The following KCNH1 variants were observed in gnomAD, a reference collection of about 807,000 sequenced individuals.
KCNH1 encodes the protein voltage-gated delayed rectifier potassium channel KCNH1.
A neutral mutation model predicts 69.2 loss-of-function variants in KCNH1; 27 were observed. That is an observed-to-expected ratio of 0.39 (90% CI 0.29 to 0.54). KCNH1 has a LOEUF of 0.54. Ranked by LOEUF, KCNH1 falls within the 20% of genes least tolerant of loss-of-function variation. The probability of loss-of-function intolerance (pLI) is 0.68; values close to 1 mark genes in which losing one functional copy is unlikely to be tolerated. For missense variants in KCNH1, 798 were observed against 1,261.6 expected (o/e 0.63, Z 5.57); for synonymous variants, 456 against 487.7 (o/e 0.93, Z 0.86).
At chr1:210,797,345 C>G (rs1013712904) in intron 9 of KCNH1, among the ~76,000 whole-genome samples, 163 bp downstream of exon 9, 3 of 152,192 alleles carry the variant, frequency 2.0e-5, no homozygotes, top group Admixed American at 6.5e-5. Context: ...GGCTTTGTGC[C>G]AAACAGGCTC....
chr1:210,845,009 C>T (rs1366671393), intron 7 of KCNH1, among the ~76,000 whole-genome samples: 1 of 152,144 alleles, frequency 6.6e-6, no homozygotes, highest in African/African-American at 2.4e-5. Flanking sequence ...ACACATACAT[C>T]CTCCCAAGAC....
chr1:211,008,717 G>A (rs1220288642), intron 6 of KCNH1, among the ~76,000 whole-genome samples: 3 of 152,204 alleles, frequency 2.0e-5, no homozygotes, highest in Admixed American at 6.5e-5. Flanking sequence ...GAAATCCGAT[G>A]TTTTGATCTA....
intron 10 of KCNH1, among the ~76,000 whole-genome samples, chr1:210,733,965 AC>A (rs1682808298): frequency 2.6e-5 from 4 of 151,454 alleles, no homozygotes; most frequent in Non-Finnish European, 4.4e-5. Context: ...ACACACACAC[AC>A]ACACACACAC....
At chr1:210,835,927 T>C (rs1287051817) in intron 7 of KCNH1, among the ~76,000 whole-genome samples, 1 of 151,752 alleles carries the variant, frequency 6.6e-6, no homozygotes, top group Non-Finnish European at 1.5e-5. Context: ...ATCAGGTGTT[T>C]GAGACCAGCA....
Position 211,052,652 on chromosome 1 carries a change from T to C in KCNH1, c.558+30128A>G, listed in dbSNP as rs1381707294. ...ATTGGCAAACAAGGGAGCTTCTTTC[T>C]AGAAAAAGGGGTAACATTTTTTGCT... On this transcript the variant is annotated intron_variant, in intron 5 of 10. Coordinates refer to ENST00000271751, the MANE Select transcript of KCNH1 (RefSeq NM_172362.3). Among the ~76,000 whole-genome samples, 7 of 152,174 alleles carry C rather than the reference T, an allele frequency of 4.6e-5. 1 individual carries two copies. Among genetic ancestry groups the C allele is most frequent in the African/African-American group, 1.7e-4 (7 of 41,436 alleles).
rs71571980 is a variant in KCNH1 at position 211,126,687 on chromosome 1, C to CAAAA, written c.79+7176_79+7179dup. Among the ~76,000 whole-genome samples, 146 of 64,934 alleles carry CAAAA rather than the reference C, an allele frequency of 2.2e-3. 1 individual carries two copies. The highest frequency in any genetic ancestry group is 7.3e-3 in the African/African-American group (138 of 18,856). The allele number at this position is 64,934 out of a possible 152,430, so 42.6% of individuals were successfully genotyped here. ...GACAGAGTGAGATCCTATAATATCT[C>CAAAA]AAAAAAAAAAAAAAAAAAAGACTGC... is the stretch of plus-strand genomic sequence containing the variant. On this transcript the variant is annotated intron_variant, in intron 1 of 10. Coordinates refer to ENST00000271751, the MANE Select transcript of KCNH1 (RefSeq NM_172362.3).
chr1:210,717,643 G>T (rs1349482414), intron 10 of KCNH1, among the ~76,000 whole-genome samples: 1 of 152,160 alleles, frequency 6.6e-6, no homozygotes, highest in African/African-American at 2.4e-5. Flanking sequence ...GGTATTTCTT[G>T]TTACCCCTTG....
At chr1:210,875,599 T>G (rs1267761850) in intron 7 of KCNH1, among the ~76,000 whole-genome samples, 1 of 152,120 alleles carries the variant, frequency 6.6e-6, no homozygotes, top group Non-Finnish European at 1.5e-5. Flanking sequence ...GATCAGGAGT[T>G]TGAGAACAGC....
chr1:211,040,706 T>C (rs1367224223), intron 5 of KCNH1, among the ~76,000 whole-genome samples: 1 of 152,242 alleles, frequency 6.6e-6, no homozygotes, highest in African/African-American at 2.4e-5. Flanking sequence ...GAGATCATAA[T>C]ATTTTATTCT....
chr1:210,738,538 G>T, intron 10 of KCNH1, among the ~76,000 whole-genome samples: 1 of 142,148 alleles, frequency 7.0e-6, no homozygotes. Context: ...TGTATTCCTG[G>T]CTTGGCTTTT....
At chr1:211,056,195 A>T (rs1690300821) in intron 5 of KCNH1, among the ~76,000 whole-genome samples, 1 of 152,218 alleles carries the variant, frequency 6.6e-6, no homozygotes, top group African/African-American at 2.4e-5. Flanking sequence ...GGAGAAACTC[A>T]GGATGGACAG....
In KCNH1 at chr1:210,709,412, T is replaced by G. The variant is rs116624426; in HGVS notation, c.2113-25274A>C. The stretch of plus-strand genomic sequence containing the variant: ...TGGAACAGATTCTTCCTCACAAGCT[T>G]CAGAGGGAACCAACCCTACAGACAC... On this transcript the variant is annotated intron_variant, in intron 10 of 10. Transcript: ENST00000271751. 3.5e-3 allele frequency among the ~76,000 whole-genome samples: 538 copies of G among 152,250 alleles called. 7 individuals carry two copies. Among genetic ancestry groups the G allele is most frequent in the African/African-American group, 0.013 (521 of 41,546 alleles).
intron 7 of KCNH1, among the ~76,000 whole-genome samples, chr1:210,882,574 C>T (rs1277011744): frequency 6.6e-6 from 1 of 152,156 alleles, no homozygotes; most frequent in Non-Finnish European, 1.5e-5. Context: ...CCACCTCCGC[C>T]CCCTTTACTT....
intron 7 of KCNH1, among the ~76,000 whole-genome samples, chr1:210,845,849 TCTC>T (rs1468926457): frequency 6.6e-6 from 1 of 152,140 alleles, no homozygotes; most frequent in African/African-American, 2.4e-5. Flanking sequence ...CAGCCCAAAA[TCTC>T]CTCAAGCTGA....
intron 7 of KCNH1, among the ~76,000 whole-genome samples, chr1:210,915,711 T>C (rs550411802): frequency 1.0e-3 from 158 of 152,296 alleles, no homozygotes; most frequent in African/African-American, 3.7e-3. Flanking sequence ...CTTAAAGCAA[T>C]TTCTTATCAG....
At chr1:210,924,054 C>T (rs1365935825) in intron 6 of KCNH1, among the ~76,000 whole-genome samples, 1 of 152,088 alleles carries the variant, frequency 6.6e-6, no homozygotes. Flanking sequence ...TGGAGTGATA[C>T]AAATACAGAT....
At chr1:210,695,570 G>A (rs1574187584) in intron 10 of KCNH1, among the ~76,000 whole-genome samples, 1 of 151,998 alleles carries the variant, frequency 6.6e-6, no homozygotes, top group Non-Finnish European at 1.5e-5. Context: ...TCAATGATAA[G>A]TCTCCTTGCT....
intron 3 of KCNH1, among the ~76,000 whole-genome samples, chr1:211,100,427 G>A (rs769892945): frequency 6.6e-5 from 10 of 151,946 alleles, no homozygotes; most frequent in Non-Finnish European, 1.2e-4. Context: ...ATCTCAGCTC[G>A]TTGCAACCTC....
At chr1:211,069,501 A>G (rs1418710482) in intron 5 of KCNH1, among the ~76,000 whole-genome samples, 1 of 152,182 alleles carries the variant, frequency 6.6e-6, no homozygotes, top group Non-Finnish European at 1.5e-5. Context: ...GCTCTAATAG[A>G]TAAAAGTGGA....
Sources: allele counts gnomAD v4.1 joint callset (sites outside exome capture counted in the v4.1 genomes callset), GRCh38; gene constraint gnomAD v4.1.1; transcripts MANE v1.5; gene names NCBI Gene and HGNC (gene_info 2026-07-23, HGNC 2026-07-21).